Variants in NRG1 observed in about 807,000 individuals in gnomAD.
NRG1 encodes neuregulin 1, also known as pro-neuregulin-1, membrane-bound isoform.
NRG1 carries 18 observed loss-of-function variants against 63.8 expected under a neutral mutation model. That is an observed-to-expected ratio of 0.28 (90% CI 0.19 to 0.42). NRG1 has a LOEUF of 0.42. NRG1 is among the 10% of genes least tolerant of loss of function. The probability of loss-of-function intolerance (pLI) is 1.00; values close to 1 mark genes in which losing one functional copy is unlikely to be tolerated. For missense variants in NRG1, 762 were observed against 814.7 expected, an observed-to-expected ratio of 0.94 and a Z score of 0.79; for synonymous variants, 302 against 301.3, an observed-to-expected ratio of 1.00 and a Z score of -0.02.
exon 1 of NRG1, chr8:32,548,822 C>A: frequency 1.3e-6 from 2 of 1,566,370 alleles, no homozygotes; most frequent in Non-Finnish European, 1.7e-6. Flanking sequence ...GCAGCCAGAG[C>A]CCAGGTGGGT....
At chr8:31,721,131 G>A (rs906240471) in intron 1 of NRG1, among the ~76,000 whole-genome samples, 1 of 152,152 alleles carries the variant, frequency 6.6e-6, no homozygotes, top group Non-Finnish European at 1.5e-5. Flanking sequence ...CAGATTTGGT[G>A]TAAGTGGGGC....
chr8:31,880,065 C>A (rs1474511405), intron 1 of NRG1, among the ~76,000 whole-genome samples: 2 of 152,058 alleles, frequency 1.3e-5, no homozygotes, highest in Admixed American at 6.6e-5. Context: ...GAAAAGAGAA[C>A]CCTTACACAC....
intron 1 of NRG1, among the ~76,000 whole-genome samples, chr8:32,380,692 A>C (rs961287804): frequency 6.6e-6 from 1 of 152,174 alleles, no homozygotes; most frequent in Non-Finnish European, 1.5e-5. Flanking sequence ...CCTCATCACC[A>C]TACTAACTCA....
At chr8:32,622,748 G>A (rs1458098431) in intron 5 of NRG1, among the ~76,000 whole-genome samples, 1 of 152,082 alleles carries the variant, frequency 6.6e-6, no homozygotes, top group African/African-American at 2.4e-5. Flanking sequence ...ACATATATTG[G>A]GAAGTCTAAT....
At position 32,344,324 on chromosome 8, in the gene NRG1, CTCTTTCTTTCTTTCTT is replaced by C. The variant is rs765116407; in HGVS notation, c.38-251460_38-251445del. On this transcript the variant is annotated intron_variant, in intron 1 of 10. Coordinates refer to the NRG1 transcript ENST00000519301. ...CCACATCTTTTTTTTTTCCTTCTTTCTCTTTCTTTCTTTCTTTCTTTCTTTCTTTCTTTCTTTCTTT... is the reference window on the plus strand; with the variant it reads ...CCACATCTTTTTTTTTTCCTTCTTTCTCTTTCTTTCTTTCTTTCTTTCTTT... 4.7e-3 allele frequency among the ~76,000 whole-genome samples: 304 copies of C among 64,118 alleles called. 2 individuals are homozygous for C. The highest frequency in any genetic ancestry group is 0.011 in the Admixed American group (69 of 6,280). The allele number at this position is 64,118 out of a possible 152,430, so 42.1% of individuals were successfully genotyped here.
At chr8:32,412,453 C>CATATATATATATGTAT (rs1815206203) in intron 1 of NRG1, among the ~76,000 whole-genome samples, 9 of 76,722 alleles carry the variant, frequency 1.2e-4, no homozygotes, top group African/African-American at 4.6e-4. Context: ...TATATATATA[C>CATATATATATATGTAT]ATATATATAT....
chr8:32,259,527 A>G (rs1380792339), intron 1 of NRG1, among the ~76,000 whole-genome samples: 1 of 152,130 alleles, frequency 6.6e-6, no homozygotes, highest in African/African-American at 2.4e-5. Context: ...GAGCCAAATA[A>G]CTTCTCTTCT....
At chr8:32,412,399 CCT>C (rs36067415) in intron 1 of NRG1, among the ~76,000 whole-genome samples, 21,416 of 92,134 alleles carry the variant, frequency 0.23, 3,228 homozygotes, top group East Asian at 0.77. Flanking sequence ...CTCTCTCTCT[CCT>C]CTCTCTCTCT....
chr8:32,717,227 T>G (rs778753216), intron 5 of NRG1, among the ~76,000 whole-genome samples: 2 of 152,128 alleles, frequency 1.3e-5, no homozygotes, highest in Non-Finnish European at 2.9e-5. Context: ...GTCCTGGTTT[T>G]GGGTGGCGGG....
At chr8:31,986,549 ATGGAGCAT>A (rs1810103277) in intron 1 of NRG1, among the ~76,000 whole-genome samples, 1 of 152,144 alleles carries the variant, frequency 6.6e-6, no homozygotes, top group African/African-American at 2.4e-5. Context: ...ATTGGAGACA[ATGGAGCAT>A]GAAATATTTC....
intron 1 of NRG1, among the ~76,000 whole-genome samples, chr8:32,299,695 A>G (rs1352049465): frequency 2.0e-5 from 3 of 152,178 alleles, no homozygotes; most frequent in East Asian, 1.9e-4. Context: ...AAAGCAAAGG[A>G]GGCGCAAAGG....
chr8:31,984,657 G>C (rs1202114629), intron 1 of NRG1, among the ~76,000 whole-genome samples: 1 of 151,980 alleles, frequency 6.6e-6, no homozygotes, highest in Non-Finnish European at 1.5e-5. Flanking sequence ...ACACTTATTG[G>C]GAACCCATAA....
chr8:32,767,434 A>G (rs1831515540), exon 12 of NRG1: 1 of 152,240 alleles, frequency 6.6e-6, no homozygotes, highest in African/African-American at 2.4e-5. Context: ...TCTATCTGCG[A>G]AGACCTATGA....
chr8:32,415,958 ACTGC>A (rs1263067374), intron 1 of NRG1, among the ~76,000 whole-genome samples: 2 of 152,196 alleles, frequency 1.3e-5, no homozygotes, highest in Non-Finnish European at 2.9e-5. Context: ...GAGAGACCAC[ACTGC>A]AGCCTTTAGT....
chr8:32,366,307 G>A (rs986858230), intron 1 of NRG1, among the ~76,000 whole-genome samples: 5 of 152,008 alleles, frequency 3.3e-5, no homozygotes, highest in African/African-American at 7.2e-5. Flanking sequence ...CTGTCTAACT[G>A]TATGATTATA....
intron 1 of NRG1, among the ~76,000 whole-genome samples, chr8:31,896,209 T>A (rs1831565570): frequency 6.6e-6 from 1 of 152,212 alleles, no homozygotes; most frequent in African/African-American, 2.4e-5. Flanking sequence ...TCTAAACACA[T>A]TGTTAATGGT....
Position 31,675,561 on chromosome 8 carries a change from G to A in NRG1, c.37+36130G>A, listed in dbSNP as rs548119836. 3.3e-5 allele frequency among the ~76,000 whole-genome samples: 5 copies of A among 152,150 alleles called. No individual in the cohort carries two copies. In the South Asian group the frequency reaches 1.0e-3, roughly 32 times the overall value. ...GGAGAAATGTTATCAAGTCCAATTT[G>A]CAAGAATGCTGGATTTCCACTTGGA... is the stretch of plus-strand genomic sequence containing the variant. On this transcript the variant is annotated intron_variant, in intron 1 of 10. Transcript: ENST00000519301.
chr8:32,076,148 A>G (rs1826508337), intron 1 of NRG1, among the ~76,000 whole-genome samples: 1 of 152,112 alleles, frequency 6.6e-6, no homozygotes, highest in East Asian at 1.9e-4. Context: ...GTTAGATAGC[A>G]TTTACCATTG....
chr8:31,952,668 A>G (rs1289087669), intron 1 of NRG1, among the ~76,000 whole-genome samples: 1 of 152,214 alleles, frequency 6.6e-6, no homozygotes, highest in Admixed American at 6.5e-5. Context: ...GTGATTTCCT[A>G]CATTGGCCTT....
Sources: gnomAD v4.1 joint callset for allele counts (sites outside exome capture counted in the v4.1 genomes callset) on GRCh38, gnomAD v4.1.1 for gene constraint, MANE v1.5 for transcripts, NCBI Gene and HGNC (gene_info 2026-07-23, HGNC 2026-07-21) for gene names.